Variants in CENPT observed in about 807,000 individuals in gnomAD.
CENPT encodes the protein centromere protein T.
Under a neutral mutation model 59.7 loss-of-function variants are expected in CENPT, and 42 were observed. That is an observed-to-expected ratio of 0.70 (90% CI 0.55 to 0.91). The LOEUF (loss-of-function observed/expected upper bound fraction) is 0.91. Ranked by LOEUF, CENPT falls within the 40% of genes least tolerant of loss-of-function variation. CENPT has a pLI of 0.00. For missense variants in CENPT, 716 were observed against 713.4 expected, an observed-to-expected ratio of 1.00 and a Z score of -0.04; for synonymous variants, 295 against 289.6, an observed-to-expected ratio of 1.02 and a Z score of -0.19.
At chr16:67,845,709 T>C (rs1204181707) in intron 1 of CENPT, among the ~76,000 whole-genome samples, 1 of 152,204 alleles carries the variant, frequency 6.6e-6, no homozygotes, top group African/African-American at 2.4e-5. Context: ...TGTTTTGGCT[T>C]CTTAGGGAGA....
chr16:67,842,941 G>A lies in CENPT; in HGVS notation c.-492+4460C>T, dbSNP rs532746998. ...AGCAACAGCAGCAGCAGCAGCAGCA[G>A]CAGCAGCAGTCCTCACCCTCTGCCT... On this transcript the variant is annotated intron_variant, in intron 1 of 15. Transcript: ENST00000562787. This position sits in a 1 kb window ranked among gnomAD's most constrained non-coding sequence, Gnocchi z 4.9. The A allele has an allele frequency of 3.7e-6, 6 of 1,610,244 alleles. No individual in the cohort carries two copies. The highest frequency in any genetic ancestry group is 5.1e-6 in the Non-Finnish European group (6 of 1,179,280).
chr16:67,833,045 C>A (rs2057708763), intron 4 of CENPT, among the ~76,000 whole-genome samples: 1 of 152,212 alleles, frequency 6.6e-6, no homozygotes, highest in Non-Finnish European at 1.5e-5. Context: ...GGTGTAAAAC[C>A]TATAATGAAT....
In CENPT at chr16:67,843,609, T is replaced by C. The variant is rs1231778453; in HGVS notation, c.-492+3792A>G. On this transcript the variant is annotated intron_variant, in intron 1 of 15. Transcript: ENST00000562787. This position sits in a 1 kb window ranked among gnomAD's most constrained non-coding sequence, Gnocchi z 5.7. Reference sequence around the variant, plus strand: ...GGGCACTGGTTGACAGTACTGAGGCTTAAGGCAGCTGGACTCTCTTGCTGG... The same window carrying C: ...GGGCACTGGTTGACAGTACTGAGGCCTAAGGCAGCTGGACTCTCTTGCTGG... 1.8e-6 allele frequency: 2 copies of C among 1,128,422 alleles called. No individual in the cohort carries two copies. The highest frequency in any genetic ancestry group is 1.6e-5 in the South Asian group (1 of 62,032). The allele number at this position is 1,128,422 out of a possible 1,614,324, so 69.9% of individuals were successfully genotyped here. A position where few individuals can be genotyped will look rare whatever the true frequency, so the allele number is the denominator to read the frequency against.
chr16:67,828,503 C>T lies in CENPT; in HGVS notation c.1533G>A (p.Lys511=), dbSNP rs751149397. Residue 511 remains lysine (K), a synonymous_variant, in exon 15 of 16, where the codon AAG becomes AAA. Coordinates refer to ENST00000562787, the MANE Select transcript of CENPT (RefSeq NM_025082.4). ...GCATCAGCAGCTCCAGGTCCTCTGGCTTCACAGTCTTGCGGCCAGCATGAG... is the reference window on the plus strand; with the variant it reads ...GCATCAGCAGCTCCAGGTCCTCTGGTTTCACAGTCTTGCGGCCAGCATGAG... ...FAAHAGRKTV[K]PEDLELLMRR... The T allele has an allele frequency of 8.7e-6, 14 of 1,614,130 alleles. No individual in the cohort carries two copies. The highest frequency in any genetic ancestry group is 9.3e-6 in the Non-Finnish European group (11 of 1,180,056).
Position 67,843,271 on chromosome 16 carries a change from T to TA in CENPT, c.-492+4129dup, listed in dbSNP as rs2096257996. The TA allele has an allele frequency of 6.2e-7, 1 of 1,613,598 alleles. No homozygotes were observed. The highest frequency in any genetic ancestry group is 8.5e-7 in the Non-Finnish European group (1 of 1,179,910). ...TGGTAGGGGAAGAGGGCTTCCCTGA[T>TA]ACTGGCTCCGACCATTCGTACTCCT... On this transcript the variant is annotated intron_variant, in intron 1 of 15. Coordinates refer to ENST00000562787, the MANE Select transcript of CENPT (RefSeq NM_025082.4). The surrounding 1 kb of genome is among the most constrained non-coding windows in gnomAD (Gnocchi z 5.7).
chr16:67,844,796 AT>A (rs931169879), intron 1 of CENPT, among the ~76,000 whole-genome samples: 1 of 132,154 alleles, frequency 7.6e-6, no homozygotes, highest in East Asian at 2.1e-4. Flanking sequence ...TTTTTTTTTT[AT>A]TTTTTTTTAA....
In CENPT at chr16:67,830,045, C is replaced by A. The variant is rs2057670023; in HGVS notation, c.906G>T (p.Glu302Asp). 1.9e-6 allele frequency: 3 copies of A among 1,614,236 alleles called. No individual in the cohort carries two copies. Among genetic ancestry groups the A allele is most frequent in the Middle Eastern group, 1.6e-4 (1 of 6,062 alleles). ...GGAAGCCCAGAGCAAAGGCATTGAC[C>A]TCCTCTGCCTCTCCTGCCAGAAACT... ...PAQFLAGEAE[E>D]VNAFALGFLS... is the part of the protein sequence containing the mutation. The change falls in exon 12 of 16, where the codon GAG (glutamate) becomes GAT (aspartate). Residue 302 changes from glutamate to aspartate, a missense_variant. Glu to Asp is a conservative substitution (Grantham distance 45, BLOSUM62 2). Coordinates refer to ENST00000562787, the MANE Select transcript of CENPT (RefSeq NM_025082.4).
intron 1 of CENPT, among the ~76,000 whole-genome samples, chr16:67,840,823 C>A (rs1161204358): frequency 6.6e-6 from 1 of 151,664 alleles, no homozygotes; most frequent in East Asian, 1.9e-4. Flanking sequence ...CTGCCTGGCC[C>A]CTCCCTGGCT....
At position 67,828,709 on chromosome 16, in the gene CENPT, T is replaced by G; in HGVS notation, c.1415A>C (p.Lys472Thr). Residue 472 changes from lysine (K) to threonine (T), a missense_variant, in exon 14 of 16, where the codon AAG becomes ACG. Lys to Thr is a moderately conservative substitution (Grantham distance 78). Transcript: ENST00000562787. ...AAGAGCCTTCCTCTCCATGGGCATC[T>G]TGGCATAGAAGCTAAAGAGTTTCAC... ...HYVKLFSFYA[K>T]MPMERKALEM... 6.2e-7 allele frequency: 1 copy of G among 1,614,178 alleles called. No individual in the cohort carries two copies. Among genetic ancestry groups the G allele is most frequent in the Non-Finnish European group, 8.5e-7 (1 of 1,180,038 alleles).
In CENPT at chr16:67,840,739, A is replaced by G. The variant is rs149760820; in HGVS notation, c.-491-5081T>C. Among the ~76,000 whole-genome samples, 1,224 of 152,096 alleles carry G rather than the reference A, an allele frequency of 8.0e-3. 8 individuals carry two copies. Among genetic ancestry groups the G allele is most frequent in the African/African-American group, 0.023 (938 of 41,464 alleles). ...CACACGTACCCCCGAACCTAAAGTA[A>G]AAGTTTAAAAAAAATTGGGAGAAGG... is the stretch of plus-strand genomic sequence containing the variant. On this transcript the variant is annotated intron_variant, in intron 1 of 15. Transcript: ENST00000562787.
intron 1 of CENPT, among the ~76,000 whole-genome samples, chr16:67,836,328 G>A (rs2057734646): frequency 6.6e-6 from 1 of 152,128 alleles, no homozygotes; most frequent in African/African-American, 2.4e-5. Context: ...CCAAAGTGCT[G>A]GGATTACAGG....
chr16:67,832,240 T>C lies in CENPT; in HGVS notation c.277A>G (p.Ile93Val), dbSNP rs1388245168. ...EQTPRTLLKN[I>V]LLTAPESSIL... ...AGCGCTCACTTACCAGTTAGTAGGATGTTCTTCAGCAGCGTCCGAGGTGTC... is the reference window on the plus strand; with the variant it reads ...AGCGCTCACTTACCAGTTAGTAGGACGTTCTTCAGCAGCGTCCGAGGTGTC... The change falls in exon 6 of 16, where the codon ATC (isoleucine) becomes GTC (valine). Residue 93 changes from isoleucine (I) to valine (V), a missense_variant. Transcript: ENST00000562787. 6.2e-7 allele frequency: 1 copy of C among 1,614,164 alleles called. No individual in the cohort carries two copies. The highest frequency in any genetic ancestry group is 8.5e-7 in the Non-Finnish European group (1 of 1,179,994).
intron 1 of CENPT, among the ~76,000 whole-genome samples, chr16:67,838,038 C>A (rs1187428360): frequency 6.6e-6 from 1 of 152,278 alleles, no homozygotes; most frequent in African/African-American, 2.4e-5. Flanking sequence ...GAGGTTCTTG[C>A]CTTTCTCCAG....
chr16:67,831,964 G>A (rs764993047), intron 7 of CENPT, 48 bp downstream of exon 7: 43 of 1,587,620 alleles, frequency 2.7e-5, no homozygotes, highest in South Asian at 5.7e-5. Context: ...AGAAACTCCC[G>A]GACTAAGCTG....
chr16:67,842,479 C>G lies in CENPT; in HGVS notation c.-492+4922G>C. 1 of 1,184,014 alleles carries G rather than the reference C, an allele frequency of 8.4e-7. No individual in the cohort carries two copies. The highest frequency in any genetic ancestry group is 1.1e-6 in the Non-Finnish European group (1 of 937,036). The allele number at this position is 1,184,014 out of a possible 1,614,324, so 73.3% of individuals were successfully genotyped here. ...TCGCGCGGCGCCGCCCGTCGAGGGG[C>G]GGGCGGCGGCGTAGCCACTGGGCCG... On this transcript the variant is annotated intron_variant, in intron 1 of 15. Coordinates refer to ENST00000562787, the MANE Select transcript of CENPT (RefSeq NM_025082.4). This position sits in a 1 kb window ranked among gnomAD's most constrained non-coding sequence, Gnocchi z 4.9.
intron 1 of CENPT, among the ~76,000 whole-genome samples, chr16:67,836,480 A>G (rs1378014590): frequency 7.1e-6 from 1 of 141,710 alleles, no homozygotes; most frequent in Admixed American, 7.2e-5. Context: ...TTTGTTGCCC[A>G]GGCTGGAGTG....
intron 11 of CENPT, 95 bp from the exon 12 acceptor site, chr16:67,830,183 G>T (rs1461819731): frequency 2.3e-6 from 3 of 1,327,264 alleles, no homozygotes; most frequent in Non-Finnish European, 2.1e-6. Flanking sequence ...ACCCAGTCCT[G>T]CCCACTGAGG....
intron 1 of CENPT, among the ~76,000 whole-genome samples, chr16:67,841,193 CAAAAAAA>C (rs772893427): frequency 2.0e-3 from 55 of 27,576 alleles, no homozygotes; most frequent in Admixed American, 0.011. Flanking sequence ...GACTCCTTTA[CAAAAAAA>C]AAAAAAAAAA....
chr16:67,842,902 A>AGCAGCAACAGCAGCAG lies in CENPT; in HGVS notation c.-492+4498_-492+4499insCTGCTGCTGTTGCTGC. 6.3e-7 allele frequency: 1 copy of AGCAGCAACAGCAGCAG among 1,583,136 alleles called. No homozygotes were observed. Among genetic ancestry groups the AGCAGCAACAGCAGCAG allele is most frequent in the Non-Finnish European group, 8.6e-7 (1 of 1,165,824 alleles). On this transcript the variant is annotated intron_variant, in intron 1 of 15. Transcript: ENST00000562787. The surrounding 1 kb of genome is among the most constrained non-coding windows in gnomAD (Gnocchi z 4.9). ...AGCAGCAGCAGCAGCAACAGCAGCA[A>AGCAGCAACAGCAGCAG]CAGCAGCAGCAGCAGCAACAGCAGC...
Sources: gnomAD v4.1 joint callset for allele counts (sites outside exome capture counted in the v4.1 genomes callset) on GRCh38, gnomAD v4.1.1 for gene constraint, Gnocchi (gnomAD v3.1) non-coding constraint, MANE v1.5 for transcripts, NCBI Gene and HGNC (gene_info 2026-07-23, HGNC 2026-07-21) for gene names.